The following MINDY4 variants were observed in gnomAD, a reference collection of about 807,000 sequenced individuals.
MINDY4 encodes the protein MINDY lysine 48 deubiquitinase 4, also known as probable ubiquitin carboxyl-terminal hydrolase MINDY-4.
In MINDY4, 68 loss-of-function variants were observed where a neutral mutation model predicts 87.0. The ratio of observed to expected loss-of-function variants is 0.78; its 90% CI spans 0.64 to 0.96. The LOEUF is 0.96. MINDY4 is among the 40% of genes least tolerant of loss of function. The pLI, the probability that MINDY4 is intolerant of heterozygous loss-of-function variation, is 0.00. For synonymous variants in MINDY4, 379 were observed against 363.2 expected (o/e 1.04, Z -0.50); for missense variants, 919 against 928.2 (o/e 0.99, Z 0.13).
chr7:30,797,681 CTTTGGAGGTCGAGCA>C (rs2128169984), intron 5 of MINDY4, among the ~76,000 whole-genome samples: 1 of 152,248 alleles, frequency 6.6e-6, no homozygotes, highest in South Asian at 2.1e-4. Context: ...ATATGGGAGC[CTTTGGAGGTCGAGCA>C]GAGACATGCT....
intron 13 of MINDY4, among the ~76,000 whole-genome samples, chr7:30,862,477 C>T (rs532901134): frequency 5.3e-5 from 8 of 152,362 alleles, no homozygotes; most frequent in African/African-American, 1.7e-4. Flanking sequence ...CCCTGCATCC[C>T]GGCACCTCCA....
Position 30,828,749 on chromosome 7 carries a change from G to A in MINDY4, c.1132+12G>A, listed in dbSNP as rs777094546. ...TGCCCTGCGGCTCGGTAGGTGCAGC[G>A]GGTGCCTCTGTGCTGTGCCCATCAG... On this transcript the variant is annotated intron_variant, in intron 6 of 17. Coordinates refer to ENST00000265299, the MANE Select transcript of MINDY4 (RefSeq NM_032222.3). 26 of 1,611,080 alleles carry A rather than the reference G, an allele frequency of 1.6e-5. 1 individual carries two copies. The highest frequency in any genetic ancestry group is 7.7e-5 in the South Asian group (7 of 91,032).
chr7:30,816,642 G>T (rs2128559611), intron 5 of MINDY4, among the ~76,000 whole-genome samples: 1 of 151,034 alleles, frequency 6.6e-6, no homozygotes, highest in South Asian at 2.1e-4. Context: ...GTCCTCACTG[G>T]GCGATCCCTA....
chr7:30,846,263 T>C (rs1186456620), intron 9 of MINDY4, among the ~76,000 whole-genome samples: 1 of 152,218 alleles, frequency 6.6e-6, no homozygotes, highest in Admixed American at 6.5e-5. Flanking sequence ...ATAGACTCTG[T>C]ACATGGCTCC....
At chr7:30,891,042 G>C (rs1311256504) in intron 17 of MINDY4, among the ~76,000 whole-genome samples, 1 of 152,046 alleles carries the variant, frequency 6.6e-6, no homozygotes, top group Non-Finnish European at 1.5e-5. Context: ...TTCAGGTTTT[G>C]AAAACAAGAT....
chr7:30,828,846 C>T, intron 6 of MINDY4, 109 bp downstream of exon 6: 2 of 972,972 alleles, frequency 2.1e-6, no homozygotes, highest in South Asian at 2.7e-5. Context: ...CACCTGACCT[C>T]AGCGAGTGGG....
chr7:30,840,525 A>G (rs1253656826), intron 8 of MINDY4, among the ~76,000 whole-genome samples: 3 of 152,174 alleles, frequency 2.0e-5, no homozygotes, highest in Non-Finnish European at 2.9e-5. Context: ...CTTTCCTCCC[A>G]TGACACACTG....
At chr7:30,884,298 G>GTCCA (rs1214356728) in intron 17 of MINDY4, among the ~76,000 whole-genome samples, 1 of 152,174 alleles carries the variant, frequency 6.6e-6, no homozygotes, top group Non-Finnish European at 1.5e-5. Context: ...CCGTCCGTCC[G>GTCCA]TCCATCCGTT....
At chr7:30,786,947 G>T (rs1358234071) in intron 4 of MINDY4, among the ~76,000 whole-genome samples, 1 of 152,158 alleles carries the variant, frequency 6.6e-6, no homozygotes, top group Non-Finnish European at 1.5e-5. Context: ...TCAAATCAGG[G>T]AGCCTGAGCC....
At chr7:30,871,748 G>A (rs898703230) in intron 13 of MINDY4, among the ~76,000 whole-genome samples, 1 of 152,214 alleles carries the variant, frequency 6.6e-6, no homozygotes, top group African/African-American at 2.4e-5. Context: ...AATAATGTGC[G>A]TACAGTGCCT....
intron 10 of MINDY4, among the ~76,000 whole-genome samples, chr7:30,851,444 T>G (rs1311542351): frequency 6.6e-6 from 1 of 152,230 alleles, no homozygotes; most frequent in Non-Finnish European, 1.5e-5. Context: ...GATTATCAGT[T>G]TAAATCATTT....
rs143259818 is a variant in MINDY4 at position 30,852,434 on chromosome 7, G to A, written c.1611+155G>A. ...TCCTGGGATTAGGGTGGGGACAGAC[G>A]TGGGGTGGCTTTGGGGATGGGCTCC... On this transcript the variant is annotated intron_variant, in intron 11 of 17. Coordinates refer to ENST00000265299, the MANE Select transcript of MINDY4 (RefSeq NM_032222.3). 253 of 939,528 alleles carry A rather than the reference G, an allele frequency of 2.7e-4. 3 individuals are homozygous for A. In the East Asian group the frequency reaches 0.018, roughly 67 times the overall value. 58.2% of individuals were successfully genotyped at this position (939,528 alleles called of 1,614,324 possible). A position where few individuals can be genotyped will look rare whatever the true frequency, so the allele number is the denominator to read the frequency against.
rs368760286 is a variant in MINDY4 at position 30,782,017 on chromosome 7, C to T, written c.224C>T (p.Thr75Ile). 5 of 1,613,956 alleles carry T rather than the reference C, an allele frequency of 3.1e-6. No homozygotes were observed. Among genetic ancestry groups the T allele is most frequent in the Non-Finnish European group, 3.4e-6 (4 of 1,180,018 alleles). Residue 75 changes from threonine to isoleucine, a missense_variant, in exon 3 of 18, where the codon ACC becomes ATC. Transcript: ENST00000265299. ...NPLKTSLELI[T>I]RYFLDHFGNT... ...CTAAAAACAAGCCTTGAACTCATCACCAGATACTTTCTGGATCACTTTGGA... is the reference window on the plus strand; with the variant it reads ...CTAAAAACAAGCCTTGAACTCATCATCAGATACTTTCTGGATCACTTTGGA...
At chr7:30,853,976 G>A (rs952605438) in intron 12 of MINDY4, among the ~76,000 whole-genome samples, 1 of 151,876 alleles carries the variant, frequency 6.6e-6, no homozygotes, top group Admixed American at 6.6e-5. Flanking sequence ...GGGCTCTGGA[G>A]CCCCCCCGCC....
chr7:30,807,364 C>T (rs1339701053), intron 5 of MINDY4, among the ~76,000 whole-genome samples: 1 of 152,212 alleles, frequency 6.6e-6, no homozygotes, highest in Non-Finnish European at 1.5e-5. Context: ...TAGTCTCCCT[C>T]TGCCCCTGCT....
intron 5 of MINDY4, among the ~76,000 whole-genome samples, chr7:30,794,642 A>G (rs1787428256): frequency 6.6e-6 from 1 of 152,078 alleles, no homozygotes; most frequent in Non-Finnish European, 1.5e-5. Flanking sequence ...TTTCTGGTTT[A>G]TTTTTTGTTT....
At chr7:30,819,305 G>A (rs529780715) in intron 5 of MINDY4, among the ~76,000 whole-genome samples, 1 of 152,072 alleles carries the variant, frequency 6.6e-6, no homozygotes, top group African/African-American at 2.4e-5. Flanking sequence ...CTAATGCATG[G>A]GTTATTTTGG....
intron 5 of MINDY4, among the ~76,000 whole-genome samples, chr7:30,808,944 AG>A (rs1787899673): frequency 1.8e-5 from 1 of 55,312 alleles, no homozygotes; most frequent in African/African-American, 6.7e-5. Context: ...AGAGAGAGAG[AG>A]AGAGAGAGAG....
chr7:30,867,941 G>C (rs1256183728), intron 13 of MINDY4, among the ~76,000 whole-genome samples: 4 of 152,314 alleles, frequency 2.6e-5, no homozygotes, highest in East Asian at 3.9e-4. Flanking sequence ...CAGTCCTCTG[G>C]CTTTCTAAGT....
Sources: gnomAD v4.1 joint callset for allele counts (sites outside exome capture counted in the v4.1 genomes callset) on GRCh38, gnomAD v4.1.1 for gene constraint, MANE v1.5 for transcripts, NCBI Gene and HGNC (gene_info 2026-07-23, HGNC 2026-07-21) for gene names.